Variants in CACNA1D observed in about 807,000 individuals in gnomAD.
CACNA1D encodes the protein voltage-dependent L-type calcium channel subunit alpha-1D.
Under a neutral mutation model 257.1 loss-of-function variants are expected in CACNA1D, and 55 were observed. That is an observed-to-expected ratio of 0.21 (90% CI 0.17 to 0.27). The LOEUF is 0.27. CACNA1D is among the 10% of genes least tolerant of loss of function. The pLI is 1.00. For synonymous variants in CACNA1D, 980 were observed against 1,014.9 expected, an observed-to-expected ratio of 0.97 and a Z score of 0.65; for missense variants, 1,876 against 2,784.0, an observed-to-expected ratio of 0.67 and a Z score of 7.34.
chr3:53,635,207 C>T (rs968171417), intron 3 of CACNA1D, among the ~76,000 whole-genome samples: 7 of 152,218 alleles, frequency 4.6e-5, no homozygotes, highest in Non-Finnish European at 7.4e-5. Context: ...TGCAAACAGC[C>T]GCCATGCCTG....
At chr3:53,718,570 T>TCCCCCCCCCC in intron 10 of CACNA1D, 182 bp downstream of exon 10, 4 of 717,950 alleles carry the variant, frequency 5.6e-6, no homozygotes, top group South Asian at 3.0e-5. Context: ...CCTGCACACC[T>TCCCCCCCCCC]CCCCACCCCC....
intron 3 of CACNA1D, among the ~76,000 whole-genome samples, chr3:53,627,281 G>C (rs1027462775): frequency 1.3e-5 from 2 of 152,158 alleles, no homozygotes; most frequent in African/African-American, 4.8e-5. Context: ...TGAGATCCCA[G>C]AGAGAGCTCA....
At chr3:53,729,328 C>T (rs1210083735) in intron 15 of CACNA1D, among the ~76,000 whole-genome samples, 1 of 152,176 alleles carries the variant, frequency 6.6e-6, no homozygotes, top group Non-Finnish European at 1.5e-5. Flanking sequence ...ATCATCTGTT[C>T]CTTGTTAGGT....
At chr3:53,761,884 C>A (rs2095304905) in intron 29 of CACNA1D, 114 bp from the exon 30 acceptor site, 3 of 780,062 alleles carry the variant, frequency 3.8e-6, no homozygotes, top group Non-Finnish European at 4.6e-6. Context: ...TTGGCTTTCC[C>A]ACCCTACCTG....
chr3:53,736,370 G>T (rs1272984758), intron 20 of CACNA1D, among the ~76,000 whole-genome samples: 1 of 151,930 alleles, frequency 6.6e-6, no homozygotes, highest in Non-Finnish European at 1.5e-5. Context: ...TATAATGAAT[G>T]TTAAAAAATT....
At chr3:53,516,580 G>T (rs1282729968) in intron 3 of CACNA1D, among the ~76,000 whole-genome samples, 2 of 152,220 alleles carry the variant, frequency 1.3e-5, no homozygotes, top group South Asian at 2.1e-4. Context: ...ATTTTCAGCG[G>T]CAGGGAGCCC....
rs111734686 is a variant in CACNA1D at position 53,585,730 on chromosome 3, G to A, written c.484-65049G>A. ...ATGACTGTGCTCCACCTGGGGAGGG[G>A]CTATTGGGAGGGGCTGGTCCACGCA... is the stretch of plus-strand genomic sequence containing the variant. On this transcript the variant is annotated intron_variant, in intron 3 of 47. Coordinates refer to ENST00000350061, the MANE Select transcript of CACNA1D (RefSeq NM_001128840.3). Among the ~76,000 whole-genome samples, 34 of 152,166 alleles carry A rather than the reference G, an allele frequency of 2.2e-4. 1 individual carries two copies. The highest frequency in any genetic ancestry group is 8.2e-4 in the African/African-American group (34 of 41,508).
chr3:53,811,192 C>G lies in CACNA1D; in HGVS notation c.6272C>G (p.Ala2091Gly). Residue 2091 changes from alanine to glycine, a missense_variant, in exon 48 of 48, where the codon GCC (alanine) becomes GGC (glycine). By Grantham distance (60) the Ala-to-Gly change is moderately conservative. Transcript: ENST00000350061. This position sits in a 1 kb window ranked among gnomAD's most constrained non-coding sequence, Gnocchi z 4.2. Reference protein sequence around the residue: ...VSATKHEIADACDLTIDEMES... With the variant: ...VSATKHEIADGCDLTIDEMES... ...GCAACAAAACACGAAATCGCTGATG[C>G]CTGTGACCTCACCATCGACGAGATG... 2 of 1,613,908 alleles carry G rather than the reference C, an allele frequency of 1.2e-6. No individual in the cohort carries two copies. Among genetic ancestry groups the G allele is most frequent in the Non-Finnish European group, 1.7e-6 (2 of 1,179,822 alleles).
intron 3 of CACNA1D, among the ~76,000 whole-genome samples, chr3:53,632,294 G>A (rs2093830227): frequency 6.6e-6 from 1 of 152,162 alleles, no homozygotes; most frequent in South Asian, 2.1e-4. Context: ...TAAAACTTAT[G>A]AACTAAGCCC....
In CACNA1D at chr3:53,800,388, C is replaced by T. The variant is rs766313693; in HGVS notation, c.5040+23C>T. 4 of 1,438,368 alleles carry T rather than the reference C, an allele frequency of 2.8e-6. No homozygotes were observed. Among genetic ancestry groups the T allele is most frequent in the East Asian group, 2.3e-5 (1 of 44,104 alleles). The allele number at this position is 1,438,368 out of a possible 1,614,324, so 89.1% of individuals were successfully genotyped here. A position where few individuals can be genotyped will look rare whatever the true frequency, so the allele number is the denominator to read the frequency against. On this transcript the variant is annotated intron_variant, in intron 41 of 47. Transcript: ENST00000350061. The surrounding 1 kb of genome is among the most constrained non-coding windows in gnomAD (Gnocchi z 4.3). ...AAAGTAATTATTCCACGCCTAGCTA[C>T]ACACTGGCCATCTGGAAATAGCAGG...
chr3:53,607,733 A>G (rs1433818667), intron 3 of CACNA1D, among the ~76,000 whole-genome samples: 1 of 152,232 alleles, frequency 6.6e-6, no homozygotes, highest in African/African-American at 2.4e-5. Context: ...CTGTGAAGTA[A>G]GAGTTGAAGT....
In CACNA1D at chr3:53,774,723, G is replaced by A. The variant is rs35157812; in HGVS notation, c.4202+45G>A. ...GCGGTGCTCCTGGGCAGGGGGGTCC[G>A]CTAGGCGTGGGTCCAGAGGGACGGA... On this transcript the variant is annotated intron_variant, in intron 34 of 47. Coordinates refer to ENST00000350061, the MANE Select transcript of CACNA1D (RefSeq NM_001128840.3). The surrounding 1 kb of genome is among the most constrained non-coding windows in gnomAD (Gnocchi z 4.3). The A allele has an allele frequency of 3.6e-4, 396 of 1,113,906 alleles. No individual in the cohort carries two copies. The East Asian group carries it at 8.7e-3, about 25-fold the overall frequency. 69.0% of individuals were successfully genotyped at this position (1,113,906 alleles called of 1,614,324 possible). A position where few individuals can be genotyped will look rare whatever the true frequency, so the allele number is the denominator to read the frequency against.
At chr3:53,613,410 A>C (rs1289120788) in intron 3 of CACNA1D, among the ~76,000 whole-genome samples, 2 of 152,100 alleles carry the variant, frequency 1.3e-5, no homozygotes, top group Non-Finnish European at 1.5e-5. Context: ...AGTAGAGTGG[A>C]AAGAGCGTAG....
At chr3:53,560,373 A>C (rs1261667684) in intron 3 of CACNA1D, among the ~76,000 whole-genome samples, 1 of 152,152 alleles carries the variant, frequency 6.6e-6, no homozygotes, top group African/African-American at 2.4e-5. Flanking sequence ...TCTTGCCTGG[A>C]ACTGGAGCCT....
intron 31 of CACNA1D, 76 bp from the exon 32 acceptor site, chr3:53,770,348 A>T (rs2095359607): frequency 7.3e-7 from 1 of 1,371,654 alleles, no homozygotes; most frequent in African/African-American, 1.4e-5. Flanking sequence ...TCACCTTTGC[A>T]TCTGTTGCTG....
At chr3:53,526,186 A>G (rs1409640144) in intron 3 of CACNA1D, among the ~76,000 whole-genome samples, 2 of 152,206 alleles carry the variant, frequency 1.3e-5, no homozygotes, top group Non-Finnish European at 2.9e-5. Flanking sequence ...CGTGTGCAGC[A>G]CTGCTGACGT....
intron 2 of CACNA1D, 75 bp from the exon 3 acceptor site, chr3:53,501,540 G>C: frequency 2.5e-6 from 2 of 797,410 alleles, no homozygotes; most frequent in South Asian, 2.8e-5. Context: ...CTTTGAAAGT[G>C]GTGTGATCGG....
At chr3:53,571,791 A>G (rs1190037207) in intron 3 of CACNA1D, among the ~76,000 whole-genome samples, 1 of 152,188 alleles carries the variant, frequency 6.6e-6, no homozygotes, top group Non-Finnish European at 1.5e-5. Context: ...GCAAAGGCCT[A>G]GTTACAAAAA....
At chr3:53,577,536 G>A (rs913157753) in intron 3 of CACNA1D, among the ~76,000 whole-genome samples, 7 of 152,180 alleles carry the variant, frequency 4.6e-5, no homozygotes, top group African/African-American at 1.7e-4. Flanking sequence ...GGCACAGTCT[G>A]TTCTTTCCTG....
Sources: gnomAD v4.1 joint callset for allele counts (sites outside exome capture counted in the v4.1 genomes callset) on GRCh38, gnomAD v4.1.1 for gene constraint, Gnocchi (gnomAD v3.1) non-coding constraint, MANE v1.5 for transcripts, NCBI Gene and HGNC (gene_info 2026-07-23, HGNC 2026-07-21) for gene names.